TBC1D4: variants seen among roughly 807,000 people sequenced by gnomAD.
TBC1D4 encodes TBC1 domain family member 4.
A neutral mutation model predicts 142.5 loss-of-function variants in TBC1D4; 121 were observed. That is an observed-to-expected ratio of 0.85 (90% CI 0.73 to 0.99). The LOEUF (loss-of-function observed/expected upper bound fraction) is 0.99, where lower values mean the gene tolerates loss of function less well. Among genes scored for constraint, TBC1D4 ranks in the 50% least tolerant of loss-of-function variants. The pLI, the probability that TBC1D4 is intolerant of heterozygous loss-of-function variation, is 0.00. For synonymous variants in TBC1D4, 630 were observed against 628.2 expected, an observed-to-expected ratio of 1.00 and a Z score of -0.04; for missense variants, 1,475 against 1,606.6, an observed-to-expected ratio of 0.92 and a Z score of 1.40.
chr13:75,360,762 T>C (rs1346976499), intron 2 of TBC1D4, among the ~76,000 whole-genome samples: 7 of 152,168 alleles, frequency 4.6e-5, no homozygotes, highest in African/African-American at 1.7e-4. Flanking sequence ...AAGTGTTGCC[T>C]CTTTACTCTG....
At chr13:75,329,674 C>T (rs1436829199) in intron 8 of TBC1D4, among the ~76,000 whole-genome samples, 2 of 152,072 alleles carry the variant, frequency 1.3e-5, no homozygotes, top group East Asian at 1.9e-4. Flanking sequence ...GCACATTCTC[C>T]GGGTGCTTTC....
intron 1 of TBC1D4, among the ~76,000 whole-genome samples, chr13:75,410,018 C>T (rs181127424): frequency 6.6e-6 from 1 of 152,260 alleles, no homozygotes; most frequent in Admixed American, 6.5e-5. Flanking sequence ...TTTATCTTAA[C>T]CAAATTTGCC....
chr13:75,315,924 T>G (rs537932316), intron 12 of TBC1D4, among the ~76,000 whole-genome samples: 3 of 152,318 alleles, frequency 2.0e-5, no homozygotes, highest in African/African-American at 7.2e-5. Context: ...TTTTTTCTAG[T>G]AAGTGTTATT....
At chr13:75,326,159 G>T in intron 10 of TBC1D4, 38 bp downstream of exon 10, 1 of 1,606,946 alleles carries the variant, frequency 6.2e-7, no homozygotes, top group South Asian at 1.1e-5. Context: ...TGTGTGCCTT[G>T]AGAATCTAGG....
At chr13:75,398,606 G>A (rs1225129163) in intron 1 of TBC1D4, among the ~76,000 whole-genome samples, 1 of 152,118 alleles carries the variant, frequency 6.6e-6, no homozygotes, top group African/African-American at 2.4e-5. Flanking sequence ...ATAAAGTATG[G>A]GAGAAGCAAG....
chr13:75,409,739 T>C (rs1885516520), intron 1 of TBC1D4, among the ~76,000 whole-genome samples: 2 of 152,216 alleles, frequency 1.3e-5, no homozygotes, highest in Admixed American at 1.3e-4. Context: ...AAGGAGGCAA[T>C]AAATGTTCTC....
chr13:75,378,506 A>G (rs6562887), intron 1 of TBC1D4, among the ~76,000 whole-genome samples: 37,742 of 152,012 alleles, frequency 0.25, 5,007 homozygotes, highest in African/African-American at 0.34. Flanking sequence ...GGGCATGACA[A>G]TAGAATTTTC....
chr13:75,410,346 G>A (rs189559728), intron 1 of TBC1D4, among the ~76,000 whole-genome samples: 330 of 152,212 alleles, frequency 2.2e-3, no homozygotes, highest in African/African-American at 7.4e-3. Flanking sequence ...GCACAGCAGC[G>A]CACAAACGCC....
At chr13:75,397,865 G>A (rs1171990397) in intron 1 of TBC1D4, among the ~76,000 whole-genome samples, 1 of 152,204 alleles carries the variant, frequency 6.6e-6, no homozygotes, top group African/African-American at 2.4e-5. Flanking sequence ...CCCTGGTTAG[G>A]TGGCTGCTTT....
chr13:75,405,841 A>G (rs1885313852), intron 1 of TBC1D4, among the ~76,000 whole-genome samples: 1 of 152,110 alleles, frequency 6.6e-6, no homozygotes, highest in African/African-American at 2.4e-5. Flanking sequence ...AAAAAAATGG[A>G]AGTTTGAGTA....
At chr13:75,295,061 T>A (rs778244668) in intron 17 of TBC1D4, 48 bp from the exon 18 acceptor site, 6 of 1,556,582 alleles carry the variant, frequency 3.9e-6, no homozygotes, top group Non-Finnish European at 5.3e-6. Flanking sequence ...TTTATCTGCA[T>A]GTGCATCAAA....
chr13:75,433,332 G>A (rs1449513872), intron 1 of TBC1D4, among the ~76,000 whole-genome samples: 2 of 152,148 alleles, frequency 1.3e-5, no homozygotes, highest in African/African-American at 4.8e-5. Flanking sequence ...CACTAAGTAT[G>A]TATGGAAGTA....
At chr13:75,434,130 T>G (rs563970752) in intron 1 of TBC1D4, among the ~76,000 whole-genome samples, 16 of 152,130 alleles carry the variant, frequency 1.1e-4, no homozygotes, top group Non-Finnish European at 2.2e-4. Context: ...AAAGTAGAAC[T>G]ACCATTCAAC....
intron 1 of TBC1D4, among the ~76,000 whole-genome samples, chr13:75,369,554 A>C (rs891948109): frequency 2.0e-5 from 3 of 152,136 alleles, no homozygotes; most frequent in African/African-American, 7.2e-5. Context: ...AAAAGGAAGC[A>C]GTCCATAGCT....
chr13:75,283,572 C>A lies in TBC1D4; in HGVS notation c.*3220G>T, dbSNP rs1402194138. On this transcript the variant is annotated 3_prime_UTR_variant, in exon 21 of 21. Coordinates refer to ENST00000377636, the MANE Select transcript of TBC1D4 (RefSeq NM_014832.5). ...GATGCATATTTTATATAAAAACATT[C>A]ATATCACATCCATCAGTAAATGTCC... Among the ~76,000 whole-genome samples the A allele has an allele frequency of 6.6e-6, 1 of 152,170 alleles. No individual in the cohort carries two copies. Among genetic ancestry groups the A allele is most frequent in the South Asian group, 2.1e-4 (1 of 4,826 alleles).
At chr13:75,309,376 G>A (rs867213567) in intron 14 of TBC1D4, among the ~76,000 whole-genome samples, 6 of 151,944 alleles carry the variant, frequency 3.9e-5, no homozygotes, top group Non-Finnish European at 8.8e-5. Context: ...ATTTGAATAC[G>A]ACTTTGTTAA....
rs1044591058 is a variant in TBC1D4 at position 75,286,579 on chromosome 13, A to G, written c.*213T>C. On this transcript the variant is annotated 3_prime_UTR_variant, in exon 21 of 21. Transcript: ENST00000377636. ...ATTTTATATATATATTTATATGTACATAGCAACAACAAAAACCAGTCTACA... is the reference window on the plus strand; with the variant it reads ...ATTTTATATATATATTTATATGTACGTAGCAACAACAAAAACCAGTCTACA... The G allele has an allele frequency of 3.5e-6, 2 of 565,980 alleles. No individual in the cohort carries two copies. The highest frequency in any genetic ancestry group is 3.8e-5 in the African/African-American group (2 of 53,306). 35.1% of individuals were successfully genotyped at this position (565,980 alleles called of 1,614,324 possible).
At chr13:75,364,378 G>T (rs1211559438) in intron 1 of TBC1D4, among the ~76,000 whole-genome samples, 2 of 152,182 alleles carry the variant, frequency 1.3e-5, no homozygotes, top group Non-Finnish European at 2.9e-5. Flanking sequence ...AATTATTTGG[G>T]ATATACTGCT....
At chr13:75,417,781 C>T (rs1885982067) in intron 1 of TBC1D4, among the ~76,000 whole-genome samples, 1 of 152,166 alleles carries the variant, frequency 6.6e-6, no homozygotes. Flanking sequence ...TAAATAAATG[C>T]CTCAGGTGGC....
Sources: allele counts gnomAD v4.1 joint callset (sites outside exome capture counted in the v4.1 genomes callset), GRCh38; gene constraint gnomAD v4.1.1; transcripts MANE v1.5; gene names NCBI Gene and HGNC (gene_info 2026-07-23, HGNC 2026-07-21).